ULK4: variants seen among roughly 807,000 people sequenced by gnomAD.
ULK4 encodes the protein inactive serine/threonine-protein kinase ULK4.
A neutral mutation model predicts 160.6 loss-of-function variants in ULK4; 133 were observed. That is an observed-to-expected ratio of 0.83 (90% CI 0.72 to 0.96). ULK4 has a LOEUF of 0.96. Among genes scored for constraint, ULK4 ranks in the 40% least tolerant of loss-of-function variants. The pLI, the probability that ULK4 is intolerant of heterozygous loss-of-function variation, is 0.00. For synonymous variants in ULK4, 534 were observed against 539.8 expected, an observed-to-expected ratio of 0.99 and a Z score of 0.15; for missense variants, 1,580 against 1,499.5, an observed-to-expected ratio of 1.05 and a Z score of -0.89.
chr3:41,731,259 T>C (rs1467610260), intron 22 of ULK4, among the ~76,000 whole-genome samples: 1 of 151,934 alleles, frequency 6.6e-6, no homozygotes, highest in African/African-American at 2.4e-5. Flanking sequence ...TGGCATAATC[T>C]TGAAGCTATA....
chr3:41,464,387 A>C (rs1034091977), intron 32 of ULK4, among the ~76,000 whole-genome samples: 32 of 152,238 alleles, frequency 2.1e-4, no homozygotes, highest in Non-Finnish European at 3.8e-4. Context: ...CACAACTGCT[A>C]AGATGCTTAT....
chr3:41,247,375 T>C (rs535020813), intron 36 of ULK4, among the ~76,000 whole-genome samples: 3 of 152,350 alleles, frequency 2.0e-5, no homozygotes, highest in Admixed American at 6.5e-5. Flanking sequence ...CCCTGCTCCA[T>C]TGCCCTTTCC....
At chr3:41,939,252 C>A (rs1289836947) in intron 2 of ULK4, among the ~76,000 whole-genome samples, 2 of 151,604 alleles carry the variant, frequency 1.3e-5, no homozygotes, top group Non-Finnish European at 2.9e-5. Context: ...CCTCTGCCTC[C>A]CAGGTTCAAG....
intron 35 of ULK4, among the ~76,000 whole-genome samples, chr3:41,255,680 T>C (rs1339826037): frequency 1.4e-5 from 2 of 141,296 alleles, no homozygotes; most frequent in African/African-American, 4.9e-5. Flanking sequence ...GATACAGCAA[T>C]TCTAAATTTG....
At chr3:41,850,713 T>C (rs145881662) in intron 17 of ULK4, among the ~76,000 whole-genome samples, 1,910 of 152,316 alleles carry the variant, frequency 0.013, 38 homozygotes, top group African/African-American at 0.041. Flanking sequence ...TATTAGTCCT[T>C]TGTCAGATGA....
chr3:41,466,411 G>A (rs892991031), intron 32 of ULK4, among the ~76,000 whole-genome samples: 2 of 152,034 alleles, frequency 1.3e-5, no homozygotes, highest in Non-Finnish European at 2.9e-5. Context: ...GAACTCTTCA[G>A]AAAAAAATCC....
Position 41,716,147 on chromosome 3 carries a change from A to G in ULK4, c.2456-579T>C, listed in dbSNP as rs573762803. ...AGAATCACTTGAATCTGGGAGGTGA[A>G]GGTTGCAGTGAGCTGAGATAGTGCC... On this transcript the variant is annotated intron_variant, in intron 23 of 36. Transcript: ENST00000301831. 4.0e-3 allele frequency among the ~76,000 whole-genome samples: 604 copies of G among 151,144 alleles called. 3 individuals carry two copies. The highest frequency in any genetic ancestry group is 0.017 in the Middle Eastern group (5 of 292).
rs368069050 is a variant in ULK4, at chr3:41,425,166, A to C, written c.3493-26902T>G. Among the ~76,000 whole-genome samples, 28 of 152,250 alleles carry C rather than the reference A, an allele frequency of 1.8e-4. No homozygotes were observed. The East Asian group carries it at 5.4e-3, about 29-fold the overall frequency. The stretch of plus-strand genomic sequence containing the variant: ...CGCAATGCAACCACAAGTATCAATA[A>C]CCAAATAGACCAAGCAGAGGAAAGA... On this transcript the variant is annotated intron_variant, in intron 34 of 36. Transcript: ENST00000301831.
At chr3:41,953,771 G>T (rs550631290) in intron 2 of ULK4, among the ~76,000 whole-genome samples, 5 of 152,074 alleles carry the variant, frequency 3.3e-5, no homozygotes, top group Non-Finnish European at 5.9e-5. Context: ...TTCCAGGCTG[G>T]GCTCAGTGGC....
At chr3:41,741,376 G>A (rs1394650677) in intron 22 of ULK4, among the ~76,000 whole-genome samples, 3 of 151,614 alleles carry the variant, frequency 2.0e-5, no homozygotes, top group East Asian at 3.9e-4. Flanking sequence ...CTCTGCTCTT[G>A]CCTTTTTTCA....
chr3:41,461,887 CTG>C (rs1575255262), intron 33 of ULK4, among the ~76,000 whole-genome samples: 1 of 152,116 alleles, frequency 6.6e-6, no homozygotes, highest in East Asian at 1.9e-4. Context: ...AAATAAGAAA[CTG>C]TGTTCTCTGA....
At chr3:41,375,616 T>C (rs2081472231) in intron 35 of ULK4, among the ~76,000 whole-genome samples, 1 of 150,270 alleles carries the variant, frequency 6.7e-6, no homozygotes, top group Non-Finnish European at 1.5e-5. Flanking sequence ...CTACACCTTA[T>C]ACAAAAATTA....
intron 22 of ULK4, among the ~76,000 whole-genome samples, chr3:41,736,512 A>G (rs1051962564): frequency 2.6e-5 from 4 of 151,860 alleles, no homozygotes; most frequent in East Asian, 1.9e-4. Context: ...GTCTGTTCAT[A>G]TCCTTCGCCC....
At chr3:41,926,431 C>T (rs970633273) in intron 5 of ULK4, among the ~76,000 whole-genome samples, 43 of 152,226 alleles carry the variant, frequency 2.8e-4, no homozygotes, top group African/African-American at 1.0e-3. Context: ...AAAACCAGAA[C>T]GCCTCTTCTC....
At chr3:41,801,485 A>G (rs1193451564) in intron 19 of ULK4, among the ~76,000 whole-genome samples, 1 of 152,024 alleles carries the variant, frequency 6.6e-6, no homozygotes, top group Non-Finnish European at 1.5e-5. Flanking sequence ...CCTACGCAGA[A>G]GAAACAAAGA....
intron 17 of ULK4, among the ~76,000 whole-genome samples, chr3:41,858,591 C>G (rs1188638841): frequency 6.7e-6 from 1 of 148,528 alleles, no homozygotes; most frequent in East Asian, 2.0e-4. Context: ...TTCCTGGACT[C>G]AAGCAATCCT....
chr3:41,895,015 C>T (rs1698106297), intron 16 of ULK4, among the ~76,000 whole-genome samples: 1 of 152,086 alleles, frequency 6.6e-6, no homozygotes, highest in Admixed American at 6.6e-5. Context: ...CTATGTGCTA[C>T]ATGAGGGAAA....
chr3:41,348,828 C>T (rs56191895), intron 35 of ULK4, among the ~76,000 whole-genome samples: 32,134 of 151,998 alleles, frequency 0.21, 3,520 homozygotes, highest in Middle Eastern at 0.3. Flanking sequence ...TGAACAAACA[C>T]GGTTTGGCTG....
intron 30 of ULK4, among the ~76,000 whole-genome samples, chr3:41,627,095 C>T (rs1349687962): frequency 6.6e-6 from 1 of 152,080 alleles, no homozygotes; most frequent in Non-Finnish European, 1.5e-5. Context: ...TCTAACTTTC[C>T]TTTAAAATTT....
Sources: gnomAD v4.1 joint callset for allele counts (sites outside exome capture counted in the v4.1 genomes callset) on GRCh38, gnomAD v4.1.1 for gene constraint, MANE v1.5 for transcripts, NCBI Gene and HGNC (gene_info 2026-07-23, HGNC 2026-07-21) for gene names.